The following AARS1 variants were observed in gnomAD, a reference collection of about 807,000 sequenced individuals.
AARS1 encodes alanine--tRNA ligase, cytoplasmic.
A neutral mutation model predicts 108.9 loss-of-function variants in AARS1; 72 were observed. That is an observed-to-expected ratio of 0.66 (90% CI 0.55 to 0.80). The LOEUF (loss-of-function observed/expected upper bound fraction) is 0.80, where lower values mean the gene tolerates loss of function less well. Ranked by LOEUF, AARS1 falls within the 30% of genes least tolerant of loss-of-function variation. The pLI, the probability that AARS1 is intolerant of heterozygous loss-of-function variation, is 0.00. For missense variants in AARS1, 1,193 were observed against 1,233.2 expected, an observed-to-expected ratio of 0.97 and a Z score of 0.49; for synonymous variants, 489 against 465.7, an observed-to-expected ratio of 1.05 and a Z score of -0.64.
chr16:70,268,189 G>C (rs775898226), intron 8 of AARS1, 82 bp downstream of exon 8: 26 of 1,306,502 alleles, frequency 2.0e-5, no homozygotes, highest in Non-Finnish European at 2.9e-5. Context: ...ACAAAAAGCT[G>C]CTTAACAGTA....
chr16:70,289,350 C>A (rs1960974836), intron 1 of AARS1, 71 bp downstream of exon 1: 6 of 354,934 alleles, frequency 1.7e-5, no homozygotes, highest in South Asian at 1.2e-4. Flanking sequence ...ACTGCGGCTG[C>A]GGAGCTTTCC....
At chr16:70,279,403 T>TA (rs1255716889) in intron 2 of AARS1, among the ~76,000 whole-genome samples, 3 of 144,144 alleles carry the variant, frequency 2.1e-5, no homozygotes, top group African/African-American at 7.7e-5. Context: ...CTCACACCTG[T>TA]AATCCCAGCA....
chr16:70,261,670 A>AG lies in AARS1; in HGVS notation c.1672-514_1672-513insC, dbSNP rs1329367435. Among the ~76,000 whole-genome samples the AG allele has an allele frequency of 5.0e-5, 5 of 99,920 alleles. No individual in the cohort carries two copies. The East Asian group carries it at 1.2e-3, about 24-fold the overall frequency. 65.6% of individuals were successfully genotyped at this position (99,920 alleles called of 152,430 possible). A position where few individuals can be genotyped will look rare whatever the true frequency, so the allele number is the denominator to read the frequency against. On this transcript the variant is annotated intron_variant, in intron 12 of 20. Coordinates refer to ENST00000261772, the MANE Select transcript of AARS1 (RefSeq NM_001605.3). Reference sequence around the variant, plus strand: ...TAACCAATATTAAGGAGCATCTTAGAATTTTTTTTTTTTTTTTGAGACAGA... The same window carrying AG: ...TAACCAATATTAAGGAGCATCTTAGAGATTTTTTTTTTTTTTTTGAGACAGA...
chr16:70,270,837 CAAA>C (rs1158290824), intron 5 of AARS1, among the ~76,000 whole-genome samples: 30 of 53,454 alleles, frequency 5.6e-4, no homozygotes, highest in Admixed American at 2.0e-3. Flanking sequence ...AACTCCATCT[CAAA>C]AAAAAAAAAA....
intron 4 of AARS1, among the ~76,000 whole-genome samples, chr16:70,273,807 G>A (rs1335495650): frequency 1.4e-5 from 2 of 144,928 alleles, no homozygotes; most frequent in Admixed American, 7.2e-5. Flanking sequence ...AGCTTGCAGT[G>A]AGCCAAGATC....
rs1597437798 is a variant in AARS1, at chr16:70,262,466, T to C, written c.1551A>G (p.Glu517=). The change falls in exon 12 of 21, where the codon GAA becomes GAG. Residue 517 remains glutamate, a synonymous_variant. Transcript: ENST00000261772. ...MALRREKMFV[E]EVSTGQECGV... ...CACACTCCTGGCCTGTGGACACCTC[T>C]TCCACGAACATCTTCTCCCTGCGCA... 1 of 1,614,190 alleles carries C rather than the reference T, an allele frequency of 6.2e-7. No homozygotes were observed. The highest frequency in any genetic ancestry group is 8.5e-7 in the Non-Finnish European group (1 of 1,180,042).
rs561750417 is a variant in AARS1 at position 70,259,068 on chromosome 16, C to T, written c.1904G>A (p.Arg635Lys). Residue 635 changes from arginine (R) to lysine (K), a missense_variant, in exon 14 of 21, where the codon AGA (arginine) becomes AAA (lysine). Transcript: ENST00000261772. ...KGSLVAPDRL[R>K]FDFTAKGAMS... ...GGCTCCCTTGGCAGTAAAGTCAAAT[C>T]TGAGGCGGTCAGGAGCAACCAATGA... 3.1e-6 allele frequency: 5 copies of T among 1,614,166 alleles called. No homozygotes were observed. Among genetic ancestry groups the T allele is most frequent in the South Asian group, 1.1e-5 (1 of 91,084 alleles).
In AARS1 at chr16:70,282,799, A is replaced by C. The variant is rs1382094188; in HGVS notation, c.-21-15T>G. The C allele has an allele frequency of 6.2e-7, 1 of 1,612,320 alleles. No homozygotes were observed. Among genetic ancestry groups the C allele is most frequent in the Non-Finnish European group, 8.5e-7 (1 of 1,178,650 alleles). On this transcript the variant is annotated splice_polypyrimidine_tract_variant and intron_variant, in intron 1 of 20. Coordinates refer to ENST00000261772, the MANE Select transcript of AARS1 (RefSeq NM_001605.3). ...ACCCCAAAGAACTAATCAAAGAAAA[A>C]AAAATGAAGGAAAATTAAGGGAATT...
chr16:70,261,009 C>T (rs944606132), intron 13 of AARS1, 35 bp downstream of exon 13: 14 of 1,496,202 alleles, frequency 9.4e-6, no homozygotes, highest in African/African-American at 1.4e-5. Flanking sequence ...TAATTACTAA[C>T]CAGATCCAAT....
At chr16:70,271,658 A>T in intron 5 of AARS1, 123 bp downstream of exon 5, 1 of 990,114 alleles carries the variant, frequency 1.0e-6, no homozygotes. Flanking sequence ...TGTTCCAGAG[A>T]TCAGACAGGT....
In AARS1 at chr16:70,265,051, T is replaced by C. The variant is rs376215607; in HGVS notation, c.1399A>G (p.Ile467Val). The C allele has an allele frequency of 1.5e-5, 24 of 1,614,032 alleles. No individual in the cohort carries two copies. Among genetic ancestry groups the C allele is most frequent in the African/African-American group, 2.7e-5 (2 of 74,904 alleles). Residue 467 changes from isoleucine (I) to valine (V), a missense_variant, in exon 11 of 21, where the codon ATT (isoleucine) becomes GTT (valine). By Grantham distance (29) the Ile-to-Val change is conservative. Transcript: ENST00000261772. The part of the protein sequence containing the change: ...AGGEDLIMLD[I>V]YAIEELRARG... ...GCCCGGAGCTCTTCGATAGCGTAAA[T>C]GTCCAGCATAATGAGGTCTTCCCCA... is the stretch of plus-strand genomic sequence containing the variant.
chr16:70,268,492 C>A (rs1960319294), intron 7 of AARS1, 113 bp from the exon 8 acceptor site: 5 of 842,784 alleles, frequency 5.9e-6, no homozygotes, highest in African/African-American at 1.7e-5. Flanking sequence ...TTATCCTAAG[C>A]CTGCTTCTTT....
intron 4 of AARS1, among the ~76,000 whole-genome samples, chr16:70,272,256 G>A (rs1261783678): frequency 6.6e-6 from 1 of 152,130 alleles, no homozygotes; most frequent in Non-Finnish European, 1.5e-5. Context: ...TGTAATCCCA[G>A]CATTTTGGGA....
At chr16:70,265,330 T>G (rs1199663516) in intron 10 of AARS1, 1 of 939,288 alleles carries the variant, frequency 1.1e-6, no homozygotes, top group Non-Finnish European at 1.7e-6. Context: ...CAGCAGGATC[T>G]GCCCCTAGTT....
chr16:70,269,456 C>A (rs1960345264), intron 7 of AARS1, among the ~76,000 whole-genome samples, 162 bp downstream of exon 7: 2 of 151,146 alleles, frequency 1.3e-5, no homozygotes, highest in Admixed American at 6.6e-5. Flanking sequence ...ATCACTTGAA[C>A]CCAGCAGGCA....
chr16:70,258,295 C>G (rs936208264), intron 14 of AARS1, 78 bp from the exon 15 acceptor site: 3 of 1,506,776 alleles, frequency 2.0e-6, no homozygotes, highest in Admixed American at 2.0e-5. Flanking sequence ...AAGCATGGTC[C>G]TGCAGGCAGG....
intron 12 of AARS1, among the ~76,000 whole-genome samples, chr16:70,262,123 G>C (rs1027248577): frequency 2.6e-5 from 4 of 152,142 alleles, no homozygotes; most frequent in African/African-American, 9.7e-5. Context: ...AAAGCTTGTA[G>C]GAAACTTGTA....
chr16:70,288,364 C>G (rs1162850454), intron 1 of AARS1, among the ~76,000 whole-genome samples: 1 of 151,846 alleles, frequency 6.6e-6, no homozygotes, highest in Non-Finnish European at 1.5e-5. Context: ...CCACCTCGGC[C>G]TCCCCAAGTG....
intron 4 of AARS1, among the ~76,000 whole-genome samples, chr16:70,275,377 AGGCCAC>A (rs1256447428): frequency 6.6e-6 from 1 of 152,124 alleles, no homozygotes; most frequent in Non-Finnish European, 1.5e-5. Context: ...GCACTTTGGG[AGGCCAC>A]GGCGGGCAGA....
Sources: allele counts gnomAD v4.1 joint callset (sites outside exome capture counted in the v4.1 genomes callset), GRCh38; gene constraint gnomAD v4.1.1; transcripts MANE v1.5; gene names NCBI Gene and HGNC (gene_info 2026-07-23, HGNC 2026-07-21).